Variants in TOX observed in about 807,000 individuals in gnomAD.
The protein encoded by TOX is thymocyte selection associated high mobility group box, also known as thymocyte selection-associated high mobility group box protein TOX.
In TOX, 11 loss-of-function variants were observed where a neutral mutation model predicts 53.7. That is an observed-to-expected ratio of 0.20 (90% CI 0.13 to 0.34). The LOEUF is 0.34. TOX is among the 10% of genes least tolerant of loss of function. The pLI, the probability that TOX is intolerant of heterozygous loss-of-function variation, is 1.00. For synonymous variants in TOX, 225 were observed against 245.3 expected (o/e 0.92, Z 0.77); for missense variants, 570 against 664.6 (o/e 0.86, Z 1.56).
intron 3 of TOX, among the ~76,000 whole-genome samples, chr8:58,873,544 C>A (rs1006301156): frequency 6.6e-6 from 1 of 152,068 alleles, no homozygotes; most frequent in Non-Finnish European, 1.5e-5. Flanking sequence ...TCTTTTTAAC[C>A]AAGGAACTAC....
chr8:58,982,286 T>C (rs1470468861), intron 1 of TOX, among the ~76,000 whole-genome samples: 2 of 152,182 alleles, frequency 1.3e-5, no homozygotes, highest in Admixed American at 6.5e-5. Context: ...CTTTCCTTAC[T>C]CCTGAGTGCT....
chr8:59,093,415 C>A (rs1254642567), intron 1 of TOX, among the ~76,000 whole-genome samples: 1 of 152,176 alleles, frequency 6.6e-6, no homozygotes, highest in Non-Finnish European at 1.5e-5. Flanking sequence ...CAGTTAACAT[C>A]CACTGAATGA....
intron 2 of TOX, among the ~76,000 whole-genome samples, chr8:58,952,068 A>C (rs1812630852): frequency 1.3e-5 from 2 of 152,196 alleles, no homozygotes; most frequent in Non-Finnish European, 2.9e-5. Flanking sequence ...TGAGGAACTG[A>C]AACTGCAGAG....
intron 3 of TOX, among the ~76,000 whole-genome samples, chr8:58,911,444 C>T (rs757691728): frequency 2.6e-5 from 4 of 152,102 alleles, no homozygotes; most frequent in Non-Finnish European, 5.9e-5. Flanking sequence ...TGTATATATG[C>T]ATATACTGTA....
At chr8:58,907,751 T>C (rs1811842472) in intron 3 of TOX, among the ~76,000 whole-genome samples, 1 of 152,204 alleles carries the variant, frequency 6.6e-6, no homozygotes, top group African/African-American at 2.4e-5. Context: ...CATTAGACTA[T>C]TATTTCAAGT....
At chr8:59,000,691 T>C (rs572271364) in intron 1 of TOX, among the ~76,000 whole-genome samples, 46 of 152,294 alleles carry the variant, frequency 3.0e-4, no homozygotes, top group Middle Eastern at 6.8e-3. Context: ...TCTTTTAGTA[T>C]AGCCATAAAG....
intron 1 of TOX, among the ~76,000 whole-genome samples, chr8:59,104,522 T>C (rs1267246300): frequency 6.6e-6 from 1 of 152,178 alleles, no homozygotes; most frequent in African/African-American, 2.4e-5. Context: ...TCTCTGATAA[T>C]CAGAACTCTG....
At chr8:59,040,640 C>T (rs1282709128) in intron 1 of TOX, among the ~76,000 whole-genome samples, 4 of 152,240 alleles carry the variant, frequency 2.6e-5, no homozygotes, top group Non-Finnish European at 5.9e-5. Flanking sequence ...TACTGAAGTG[C>T]AATAGACCCA....
chr8:59,074,506 C>A (rs1232330825), intron 1 of TOX, among the ~76,000 whole-genome samples: 1 of 152,024 alleles, frequency 6.6e-6, no homozygotes, highest in Non-Finnish European at 1.5e-5. Flanking sequence ...AAATATCTGG[C>A]CCCCGACGGA....
At chr8:58,885,147 TG>T (rs1000533936) in intron 3 of TOX, among the ~76,000 whole-genome samples, 2 of 152,130 alleles carry the variant, frequency 1.3e-5, no homozygotes, top group African/African-American at 4.8e-5. Flanking sequence ...AATAGATTAA[TG>T]GGTTATATGT....
intron 1 of TOX, among the ~76,000 whole-genome samples, chr8:59,092,815 T>G (rs974169358): frequency 6.6e-6 from 1 of 152,300 alleles, no homozygotes; most frequent in East Asian, 1.9e-4. Context: ...TATATTATAA[T>G]GACCTATTTG....
intron 3 of TOX, among the ~76,000 whole-genome samples, chr8:58,904,914 C>T (rs12115074): frequency 0.54 from 82,762 of 152,010 alleles, 22,931 homozygotes; most frequent in African/African-American, 0.63. Context: ...TGTTTGTCCA[C>T]GAATTGGCTG....
chr8:59,093,724 C>T lies in TOX; in HGVS notation c.102+25162G>A, dbSNP rs546356124. On this transcript the variant is annotated intron_variant, in intron 1 of 8. Transcript: ENST00000361421. ...ATTCTTGCTTCTACATATATGGCCT[C>T]AGTTAAATAGTAGAGTTATTTGATA... Among the ~76,000 whole-genome samples the T allele has an allele frequency of 2.8e-4, 43 of 152,282 alleles. No homozygotes were observed. In the South Asian group the frequency reaches 5.0e-3, roughly 18 times the overall value.
chr8:58,807,781 C>G lies in TOX; in HGVS notation c.1547G>C (p.Gly516Ala). 6.2e-7 allele frequency: 1 copy of G among 1,614,088 alleles called. No individual in the cohort carries two copies. The highest frequency in any genetic ancestry group is 8.5e-7 in the Non-Finnish European group (1 of 1,179,966). The change falls in exon 9 of 9, where the codon GGC (glycine) becomes GCC (alanine). Residue 516 changes from glycine to alanine, a missense_variant and splice_region_variant. This residue lies in a region of TOX where 239 missense variants were observed against 250.7 expected (regional missense o/e 0.95). Transcript: ENST00000361421. ...DWNNDYCSSG[G>A]MQRDKALYLT Reference sequence around the variant, plus strand: ...GTACAGTGCTTTGTCCCTCTGCATGCCCCTGTAGGAAGAGAAAAAAGACAG... The same window carrying G: ...GTACAGTGCTTTGTCCCTCTGCATGGCCCTGTAGGAAGAGAAAAAAGACAG...
intron 3 of TOX, among the ~76,000 whole-genome samples, chr8:58,898,381 T>C (rs1811684739): frequency 6.6e-6 from 1 of 152,240 alleles, no homozygotes; most frequent in Non-Finnish European, 1.5e-5. Flanking sequence ...AAACTACATA[T>C]TTTAGTCCCA....
intron 1 of TOX, among the ~76,000 whole-genome samples, chr8:59,002,367 C>T (rs1322962145): frequency 7.3e-5 from 11 of 151,014 alleles, no homozygotes; most frequent in Non-Finnish European, 1.5e-4. Context: ...CCGAGGAGGG[C>T]GGATCACGAG....
chr8:59,057,928 C>A (rs947168812), intron 1 of TOX, among the ~76,000 whole-genome samples: 11 of 152,066 alleles, frequency 7.2e-5, no homozygotes, highest in African/African-American at 2.4e-4. Flanking sequence ...CTCACTGCAA[C>A]CTCCACCTCC....
chr8:58,940,681 G>C lies in TOX; in HGVS notation c.169-1137C>G, dbSNP rs143801243. On this transcript the variant is annotated intron_variant, in intron 2 of 8. Coordinates refer to ENST00000361421, the MANE Select transcript of TOX (RefSeq NM_014729.3). Reference sequence around the variant, plus strand: ...GTCTAACAGCCCAGTGCCTGCTCAAGTGTGCAAGATTTGAAATGAGCAGGC... The same window carrying C: ...GTCTAACAGCCCAGTGCCTGCTCAACTGTGCAAGATTTGAAATGAGCAGGC... Among the ~76,000 whole-genome samples the C allele has an allele frequency of 1.6e-4, 25 of 152,298 alleles. No individual in the cohort carries two copies. The East Asian group carries it at 4.6e-3, about 28-fold the overall frequency.
intron 1 of TOX, among the ~76,000 whole-genome samples, chr8:59,004,870 A>G (rs936423896): frequency 2.0e-5 from 3 of 152,194 alleles, no homozygotes; most frequent in Non-Finnish European, 4.4e-5. Context: ...TTGTGGCCCT[A>G]GTAATTAACA....
Sources: allele counts gnomAD v4.1 joint callset (sites outside exome capture counted in the v4.1 genomes callset), GRCh38; gene constraint gnomAD v4.1.1; regional missense constraint gnomAD v4.1.1; transcripts MANE v1.5; gene names NCBI Gene and HGNC (gene_info 2026-07-23, HGNC 2026-07-21).